The following DNMT3A variants were observed in gnomAD, a reference collection of about 807,000 sequenced individuals.
The protein encoded by DNMT3A is DNA methyltransferase 3 alpha.
DNMT3A carries 267 observed loss-of-function variants against 117.6 expected under a neutral mutation model. The ratio of observed to expected loss-of-function variants is 2.27; its 90% confidence interval spans 2.05 to 2.51. The LOEUF (loss-of-function observed/expected upper bound fraction) is 2.51, where lower values mean the gene tolerates loss of function less well. Among genes scored for constraint, DNMT3A ranks in the 30% most tolerant of loss-of-function variants. The pLI is 0.00. For missense variants in DNMT3A, 1,029 were observed against 1,260.2 expected (o/e 0.82, Z 2.78); for synonymous variants, 432 against 474.8 (o/e 0.91, Z 1.17).
chr2:25,268,489 A>G (rs2030567707), intron 6 of DNMT3A, among the ~76,000 whole-genome samples: 1 of 152,150 alleles, frequency 6.6e-6, no homozygotes, highest in Non-Finnish European at 1.5e-5. Flanking sequence ...AGGGAGGGCT[A>G]ATGAAGCGAG....
Position 25,339,438 on chromosome 2 carries a change from G to T in DNMT3A, c.-178+2388C>A, listed in dbSNP as rs1475102517. On this transcript the variant is annotated intron_variant, in intron 1 of 22. Coordinates refer to ENST00000321117, the MANE Select transcript of DNMT3A (RefSeq NM_022552.5). This position sits in a 1 kb window ranked among gnomAD's most constrained non-coding sequence, Gnocchi z 4.9. ...CTATGGAAGGCACTGGTGCCTGGGT[G>T]GGGTAACGAGGGAAGTTTGGTCGGC... Among the ~76,000 whole-genome samples, 1 of 152,210 alleles carries T rather than the reference G, an allele frequency of 6.6e-6. No individual in the cohort carries two copies. Among genetic ancestry groups the T allele is most frequent in the African/African-American group, 2.4e-5 (1 of 41,456 alleles).
rs1167954937 is a variant in DNMT3A, at chr2:25,237,979, A to C, written c.2409-974T>G. 2.6e-5 allele frequency among the ~76,000 whole-genome samples: 4 copies of C among 152,256 alleles called. No homozygotes were observed. Among genetic ancestry groups the C allele is most frequent in the Non-Finnish European group, 4.4e-5 (3 of 68,038 alleles). ...GTGGGAACCACGGGGCCTGCAGTCA[A>C]ATCAGGTGCTCGACAGATGTCCCCG... On this transcript the variant is annotated intron_variant, in intron 20 of 22. Coordinates refer to ENST00000321117, the MANE Select transcript of DNMT3A (RefSeq NM_022552.5). This position sits in a 1 kb window ranked among gnomAD's most constrained non-coding sequence, Gnocchi z 5.4.
chr2:25,241,424 A>G, intron 17 of DNMT3A, 138 bp downstream of exon 17: 2 of 1,209,850 alleles, frequency 1.7e-6, no homozygotes. Context: ...CAAATGGAAG[A>G]TAAGGAGAAA....
At position 25,263,806 on chromosome 2, in the gene DNMT3A, C is replaced by T. The variant is rs773662283; in HGVS notation, c.639+11135G>A. Among the ~76,000 whole-genome samples, 5 of 152,226 alleles carry T rather than the reference C, an allele frequency of 3.3e-5. 1 individual carries two copies. Among genetic ancestry groups the T allele is most frequent in the African/African-American group, 4.8e-5 (2 of 41,450 alleles). ...CACTCCATGCCCTTCCCCCACTGTCCCTGCCAAGCAGTCCTGTTCAGGTCA... is the reference window on the plus strand; with the variant it reads ...CACTCCATGCCCTTCCCCCACTGTCTCTGCCAAGCAGTCCTGTTCAGGTCA... On this transcript the variant is annotated intron_variant, in intron 6 of 22. Coordinates refer to ENST00000321117, the MANE Select transcript of DNMT3A (RefSeq NM_022552.5).
chr2:25,252,255 T>C lies in DNMT3A; in HGVS notation c.640-4003A>G. On this transcript the variant is annotated intron_variant, in intron 6 of 22. Transcript: ENST00000321117. The surrounding 1 kb of genome is among the most constrained non-coding windows in gnomAD (Gnocchi z 5.5). ...CAGGTGTGAGCCGCGGCCCTGAAGC[T>C]CTGGAAGTAGCTGCCCGTCTTGGGG... 6.8e-7 allele frequency: 1 copy of C among 1,464,458 alleles called. No individual in the cohort carries two copies. Among genetic ancestry groups the C allele is most frequent in the Non-Finnish European group, 9.1e-7 (1 of 1,101,826 alleles). The allele number at this position is 1,464,458 out of a possible 1,614,324, so 90.7% of individuals were successfully genotyped here. A position where few individuals can be genotyped will look rare whatever the true frequency, so the allele number is the denominator to read the frequency against.
At chr2:25,243,392 T>C (rs1674310300) in intron 16 of DNMT3A, among the ~76,000 whole-genome samples, 1 of 152,156 alleles carries the variant, frequency 6.6e-6, no homozygotes, top group South Asian at 2.1e-4. Context: ...ACCGTGTGCA[T>C]TCACTACCCA....
intron 16 of DNMT3A, among the ~76,000 whole-genome samples, chr2:25,243,542 A>T (rs1201232712): frequency 6.6e-6 from 1 of 152,236 alleles, no homozygotes; most frequent in East Asian, 1.9e-4. Flanking sequence ...CTTGTGTATA[A>T]TCAAAACACA....
intron 6 of DNMT3A, among the ~76,000 whole-genome samples, chr2:25,268,152 C>T (rs540059117): frequency 1.3e-5 from 2 of 152,258 alleles, no homozygotes; most frequent in East Asian, 1.9e-4. Flanking sequence ...TATGATGTTC[C>T]AGTCACAGAT....
rs577767058 is a variant in DNMT3A, at chr2:25,264,200, C to T, written c.639+10741G>A. On this transcript the variant is annotated intron_variant, in intron 6 of 22. Coordinates refer to ENST00000321117, the MANE Select transcript of DNMT3A (RefSeq NM_022552.5). ...TGTCGCCCAGGCTGGAGTGCAGTGG[C>T]GCAATCTTGACTCACTGCAACCTCC... 1.1e-3 allele frequency among the ~76,000 whole-genome samples: 138 copies of T among 121,916 alleles called. 1 individual carries two copies. Among genetic ancestry groups the T allele is most frequent in the African/African-American group, 3.7e-3 (118 of 32,046 alleles). The allele number at this position is 121,916 out of a possible 152,430, so 80.0% of individuals were successfully genotyped here.
At chr2:25,258,276 A>C (rs1224710426) in intron 6 of DNMT3A, among the ~76,000 whole-genome samples, 1 of 152,104 alleles carries the variant, frequency 6.6e-6, no homozygotes, top group Non-Finnish European at 1.5e-5. Flanking sequence ...ATCACCCCAA[A>C]CCTCGGCCCT....
At chr2:25,321,752 G>C (rs550218916) in intron 1 of DNMT3A, among the ~76,000 whole-genome samples, 16 of 152,322 alleles carry the variant, frequency 1.1e-4, no homozygotes, top group African/African-American at 3.8e-4. Context: ...CGAGTGTGGT[G>C]GCACATGCCT....
In DNMT3A at chr2:25,228,061, A is replaced by C. The variant is rs1442106448; in HGVS notation, c.*6218T>G. The stretch of plus-strand genomic sequence containing the variant: ...TTTCATAAACAGCTATGTCACGAGC[A>C]TCACTTACACAGAGATACAACAGGA... On this transcript the variant is annotated 3_prime_UTR_variant, in exon 23 of 23. Coordinates refer to ENST00000321117, the MANE Select transcript of DNMT3A (RefSeq NM_022552.5). The C allele has an allele frequency of 6.6e-6, 1 of 151,664 alleles. No homozygotes were observed. Among genetic ancestry groups the C allele is most frequent in the Non-Finnish European group, 1.5e-5 (1 of 67,942 alleles). 9.4% of individuals were successfully genotyped at this position (151,664 alleles called of 1,614,324 possible).
rs374087705 is a variant in DNMT3A at position 25,298,602 on chromosome 2, C to T, written c.177+1537G>A. ...TGGAGTCACCAGTGTGCTCTGACTC[C>T]GGCCTGGCTCTCCTCCCACACCTTC... On this transcript the variant is annotated intron_variant, in intron 3 of 22. Transcript: ENST00000321117. The surrounding 1 kb of genome is among the most constrained non-coding windows in gnomAD (Gnocchi z 4.3). 2.0e-5 allele frequency among the ~76,000 whole-genome samples: 3 copies of T among 152,236 alleles called. No homozygotes were observed. Among genetic ancestry groups the T allele is most frequent in the South Asian group, 2.1e-4 (1 of 4,816 alleles).
chr2:25,288,750 C>T (rs142902932), intron 3 of DNMT3A, among the ~76,000 whole-genome samples: 9 of 152,332 alleles, frequency 5.9e-5, no homozygotes, highest in East Asian at 3.9e-4. Flanking sequence ...AACTTTTCCA[C>T]GATCCCAAAC....
chr2:25,253,583 G>C (rs1361088907), intron 6 of DNMT3A, among the ~76,000 whole-genome samples: 1 of 152,170 alleles, frequency 6.6e-6, no homozygotes, highest in Admixed American at 6.5e-5. Flanking sequence ...GCAAGGTAAT[G>C]GCAAGCCTTC....
At chr2:25,325,424 C>T (rs143238770) in intron 1 of DNMT3A, among the ~76,000 whole-genome samples, 12 of 152,194 alleles carry the variant, frequency 7.9e-5, no homozygotes, top group South Asian at 2.1e-4. Context: ...TCATCCACAG[C>T]GGAAGCGGCC....
At chr2:25,242,077 T>C (rs866846828) in intron 16 of DNMT3A, 17 of 242,066 alleles carry the variant, frequency 7.0e-5, no homozygotes, top group Middle Eastern at 1.3e-3. Context: ...GCTACAATTC[T>C]ACCCCACCCT....
intron 6 of DNMT3A, chr2:25,249,558 G>A: frequency 1.5e-6 from 2 of 1,329,350 alleles, no homozygotes; most frequent in South Asian, 2.4e-5. Flanking sequence ...TATTTACTGA[G>A]CAGGCACTAT....
rs879888873 is a variant in DNMT3A, at chr2:25,234,251, T to C, written c.*28A>G. On this transcript the variant is annotated 3_prime_UTR_variant, in exon 23 of 23. Transcript: ENST00000321117. This position sits in a 1 kb window ranked among gnomAD's most constrained non-coding sequence, Gnocchi z 4.5. ...TTTTGTTTGTTTGTTTAACTTTGTG[T>C]CGCTACCTCAGTTTGCCCCCATGTC... The C allele has an allele frequency of 1.1e-5, 18 of 1,588,348 alleles. No homozygotes were observed. Among genetic ancestry groups the C allele is most frequent in the Admixed American group, 1.7e-5 (1 of 57,506 alleles).
Sources: allele counts gnomAD v4.1 joint callset (sites outside exome capture counted in the v4.1 genomes callset), GRCh38; gene constraint gnomAD v4.1.1; non-coding constraint Gnocchi (gnomAD v3.1); transcripts MANE v1.5; gene names NCBI Gene and HGNC (gene_info 2026-07-23, HGNC 2026-07-21).